The following BIN1 variants were observed in gnomAD, a reference collection of about 807,000 sequenced individuals.
BIN1 encodes the protein bridging integrator 1.
In BIN1, 53 loss-of-function variants were observed where a neutral mutation model predicts 82.0. The ratio of observed to expected loss-of-function variants is 0.65; its 90% CI spans 0.52 to 0.81. BIN1 has a LOEUF of 0.81. BIN1 is among the 40% of genes least tolerant of loss of function. The probability of loss-of-function intolerance (pLI) is 0.00; values close to 1 mark genes in which losing one functional copy is unlikely to be tolerated. For synonymous variants in BIN1, 302 were observed against 328.0 expected (o/e 0.92, Z 0.86); for missense variants, 642 against 784.4 (o/e 0.82, Z 2.17).
chr2:127,049,687 C>G (rs1016255187), intron 18 of BIN1, among the ~76,000 whole-genome samples: 3 of 152,180 alleles, frequency 2.0e-5, no homozygotes, highest in South Asian at 2.1e-4. Context: ...ACCGACCCCC[C>G]ACAAGCAAAG....
In BIN1 at chr2:127,090,568, G is replaced by A. The variant is rs924259132; in HGVS notation, c.85-13862C>T. On this transcript the variant is annotated intron_variant, in intron 1 of 18. Coordinates refer to ENST00000316724, the MANE Select transcript of BIN1 (RefSeq NM_139343.3). This position sits in a 1 kb window ranked among gnomAD's most constrained non-coding sequence, Gnocchi z 6.4. Reference sequence around the variant, plus strand: ...AGGACACTGGCCATAAACACACGGTGGAATCTGCTTCTCCAGCCCACCCGC... The same window carrying A: ...AGGACACTGGCCATAAACACACGGTAGAATCTGCTTCTCCAGCCCACCCGC... Among the ~76,000 whole-genome samples, 1 of 152,228 alleles carries A rather than the reference G, an allele frequency of 6.6e-6. No homozygotes were observed. Among genetic ancestry groups the A allele is most frequent in the African/African-American group, 2.4e-5 (1 of 41,458 alleles).
At chr2:127,087,602 G>A (rs191326520) in intron 1 of BIN1, among the ~76,000 whole-genome samples, 5 of 152,212 alleles carry the variant, frequency 3.3e-5, no homozygotes, top group East Asian at 1.9e-4. Flanking sequence ...CACAGTGGCC[G>A]GCGGGGCTGG....
At chr2:127,069,576 C>CA (rs1371146995) in intron 5 of BIN1, among the ~76,000 whole-genome samples, 1 of 152,242 alleles carries the variant, frequency 6.6e-6, no homozygotes. Flanking sequence ...CACACGCACA[C>CA]ACCCACACAT....
chr2:127,106,921 C>A lies in BIN1; in HGVS notation c.23G>T (p.Gly8Val). MAEMGSK[G>V]VTAGKIASNV... ...GCTGGCGATCTTTCCCGCCGTCACC[C>A]CTTTACTGCCCATCTCTGCCATCGC... Residue 8 changes from glycine (G) to valine (V), a missense_variant, in exon 1 of 19, where the codon GGG (glycine) becomes GTG (valine). By Grantham distance (109) the Gly-to-Val change is moderately radical. Coordinates refer to ENST00000316724, the MANE Select transcript of BIN1 (RefSeq NM_139343.3). 6.2e-7 allele frequency: 1 copy of A among 1,612,636 alleles called. No individual in the cohort carries two copies. Among genetic ancestry groups the A allele is most frequent in the Non-Finnish European group, 8.5e-7 (1 of 1,179,582 alleles).
At chr2:127,084,350 G>A (rs1677855593) in intron 1 of BIN1, among the ~76,000 whole-genome samples, 2 of 152,194 alleles carry the variant, frequency 1.3e-5, no homozygotes, top group Non-Finnish European at 2.9e-5. Context: ...AGGATATCGT[G>A]AGTCCTTCGT....
At chr2:127,052,478 G>A (rs1048518792) in intron 14 of BIN1, 116 bp from the exon 15 acceptor site, 8 of 995,868 alleles carry the variant, frequency 8.0e-6, no homozygotes, top group Non-Finnish European at 9.0e-6. Flanking sequence ...GTTGGTGGGG[G>A]CAGGGTGGGT....
At chr2:127,073,169 C>A (rs924487148) in intron 2 of BIN1, among the ~76,000 whole-genome samples, 1 of 152,262 alleles carries the variant, frequency 6.6e-6, no homozygotes, top group Non-Finnish European at 1.5e-5. Context: ...CCGGCCAGAG[C>A]ACTGCCTCCC....
chr2:127,097,489 C>T (rs1679757399), intron 1 of BIN1, among the ~76,000 whole-genome samples: 1 of 152,166 alleles, frequency 6.6e-6, no homozygotes, highest in African/African-American at 2.4e-5. Context: ...ATGCATGGGA[C>T]AGGGCAGGTA....
In BIN1 at chr2:127,090,131, C is replaced by T. The variant is rs1678728565; in HGVS notation, c.85-13425G>A. On this transcript the variant is annotated intron_variant, in intron 1 of 18. Transcript: ENST00000316724. This position sits in a 1 kb window ranked among gnomAD's most constrained non-coding sequence, Gnocchi z 6.4. ...CCTTCCTCTCTCCAATCAAGCTCCC[C>T]TCTGCAGCCTCCTTGCCTGCAGCTC... Among the ~76,000 whole-genome samples, 1 of 152,156 alleles carries T rather than the reference C, an allele frequency of 6.6e-6. No individual in the cohort carries two copies. Among genetic ancestry groups the T allele is most frequent in the South Asian group, 2.1e-4 (1 of 4,832 alleles).
chr2:127,080,773 G>T (rs537108839), intron 1 of BIN1, among the ~76,000 whole-genome samples: 128 of 152,144 alleles, frequency 8.4e-4, no homozygotes, highest in Admixed American at 1.9e-3. Context: ...AGGGCAGGGA[G>T]GGGGGGCAGG....
At chr2:127,062,002 C>T (rs1468907697) in intron 10 of BIN1, 113 bp downstream of exon 10, 2 of 1,269,682 alleles carry the variant, frequency 1.6e-6, no homozygotes, top group Admixed American at 2.0e-5. Flanking sequence ...GGTCCCTAGA[C>T]CCCCAAGGCC....
At chr2:127,078,798 C>T (rs1008968439) in intron 1 of BIN1, among the ~76,000 whole-genome samples, 1 of 152,100 alleles carries the variant, frequency 6.6e-6, no homozygotes, top group Non-Finnish European at 1.5e-5. Context: ...GTTCCTCACC[C>T]GGCTCTGCAA....
chr2:127,092,025 G>A (rs1679000867), intron 1 of BIN1, among the ~76,000 whole-genome samples: 1 of 151,570 alleles, frequency 6.6e-6, no homozygotes, highest in African/African-American at 2.4e-5. Context: ...CTTTGGCCCT[G>A]CCCCTAGCCT....
At position 127,048,434 on chromosome 2, in the gene BIN1, G is replaced by T; in HGVS notation, c.*92C>A. The T allele has an allele frequency of 1.6e-6, 2 of 1,263,622 alleles. No homozygotes were observed. The highest frequency in any genetic ancestry group is 2.3e-6 in the Non-Finnish European group (2 of 871,374). 78.3% of individuals were successfully genotyped at this position (1,263,622 alleles called of 1,614,324 possible). Reference sequence around the variant, plus strand: ...CTTGATTTCCCTTTGCTCTTCAAAAGATGAAAAACGAAAACAAAACAAAAA... The same window carrying T: ...CTTGATTTCCCTTTGCTCTTCAAAATATGAAAAACGAAAACAAAACAAAAA... On this transcript the variant is annotated 3_prime_UTR_variant, in exon 19 of 19. Coordinates refer to ENST00000316724, the MANE Select transcript of BIN1 (RefSeq NM_139343.3).
In BIN1 at chr2:127,094,548, G is replaced by A. The variant is rs193162157; in HGVS notation, c.84+12312C>T. Among the ~76,000 whole-genome samples, 18 of 55,766 alleles carry A rather than the reference G, an allele frequency of 3.2e-4. No homozygotes were observed. The South Asian group carries it at 8.0e-3, about 25-fold the overall frequency. 36.6% of individuals were successfully genotyped at this position (55,766 alleles called of 152,430 possible). On this transcript the variant is annotated intron_variant, in intron 1 of 18. Transcript: ENST00000316724. ...GAGGCCAGTGCAACCTGGGAGCTCC[G>A]GTCCCTCTGTCTCTCCCCGCATGGC...
At chr2:127,056,903 C>T (rs1187777356) in intron 12 of BIN1, among the ~76,000 whole-genome samples, 1 of 152,242 alleles carries the variant, frequency 6.6e-6, no homozygotes, top group Non-Finnish European at 1.5e-5. Flanking sequence ...AGACCCAAGA[C>T]CCTCTGCGTG....
At chr2:127,048,771 A>T in intron 18 of BIN1, 138 bp from the exon 19 acceptor site, 1 of 773,576 alleles carries the variant, frequency 1.3e-6, no homozygotes, top group East Asian at 2.7e-5. Context: ...CCACCTTGAG[A>T]ACACCTCCTC....
chr2:127,083,601 G>A (rs773032703), intron 1 of BIN1, among the ~76,000 whole-genome samples: 29 of 152,236 alleles, frequency 1.9e-4, no homozygotes, highest in Middle Eastern at 3.4e-3. Flanking sequence ...TCTACCACAC[G>A]GTCCGCATTC....
At position 127,105,542 on chromosome 2, in the gene BIN1, AC is replaced by A. The variant is rs1347026305; in HGVS notation, c.84+1317del. On this transcript the variant is annotated intron_variant, in intron 1 of 18. Coordinates refer to ENST00000316724, the MANE Select transcript of BIN1 (RefSeq NM_139343.3). ...GGGTTGGGGAGCTGGGTCTGGGCAA[AC>A]CTGGACTTGGCTGAGGGCCCTTCCT... is the stretch of plus-strand genomic sequence containing the variant. 4.1e-5 allele frequency among the ~76,000 whole-genome samples: 6 copies of A among 147,932 alleles called. No individual in the cohort carries two copies. The East Asian group carries it at 1.3e-3, about 32-fold the overall frequency.
Sources: gnomAD v4.1 joint callset for allele counts (sites outside exome capture counted in the v4.1 genomes callset) on GRCh38, gnomAD v4.1.1 for gene constraint, Gnocchi (gnomAD v3.1) non-coding constraint, MANE v1.5 for transcripts, NCBI Gene and HGNC (gene_info 2026-07-23, HGNC 2026-07-21) for gene names.